Variants in CHSY3 observed in about 807,000 individuals in gnomAD.
The protein encoded by CHSY3 is N-acetylgalactosaminyl-proteoglycan 3-beta-glucuronosyltransferase 3.
A neutral mutation model predicts 67.2 loss-of-function variants in CHSY3; 35 were observed. The ratio of observed to expected loss-of-function variants is 0.52; its 90% confidence interval spans 0.40 to 0.69. The LOEUF (loss-of-function observed/expected upper bound fraction) is 0.69. Ranked by LOEUF, CHSY3 falls within the 30% of genes least tolerant of loss-of-function variation. The probability of loss-of-function intolerance (pLI) is 0.00; values close to 1 mark genes in which losing one functional copy is unlikely to be tolerated. For synonymous variants in CHSY3, 474 were observed against 434.7 expected (o/e 1.09, Z -1.12); for missense variants, 1,069 against 1,138.5 (o/e 0.94, Z 0.88).
At chr5:130,147,884 C>T (rs369888930) in intron 2 of CHSY3, among the ~76,000 whole-genome samples, 2 of 152,130 alleles carry the variant, frequency 1.3e-5, no homozygotes, top group South Asian at 4.1e-4. Context: ...TTTAAGGGAA[C>T]ATGTGCAGGT....
chr5:130,037,545 T>A (rs1443268532), intron 2 of CHSY3, among the ~76,000 whole-genome samples: 7 of 152,106 alleles, frequency 4.6e-5, no homozygotes, highest in African/African-American at 1.7e-4. Flanking sequence ...AGTTTGAACA[T>A]ACTATGGCCT....
At chr5:129,955,012 G>A (rs1762130120) in intron 2 of CHSY3, among the ~76,000 whole-genome samples, 2 of 152,014 alleles carry the variant, frequency 1.3e-5, no homozygotes, top group South Asian at 4.2e-4. Context: ...GTGTCTATAG[G>A]CGCATGCCAC....
At chr5:130,055,616 A>G (rs573204010) in intron 2 of CHSY3, among the ~76,000 whole-genome samples, 5 of 152,260 alleles carry the variant, frequency 3.3e-5, no homozygotes, top group Admixed American at 6.5e-5. Context: ...GACATAAAAT[A>G]AGATGACACA....
chr5:130,154,654 A>T (rs1333377553), intron 2 of CHSY3, among the ~76,000 whole-genome samples: 1 of 152,158 alleles, frequency 6.6e-6, no homozygotes, highest in Non-Finnish European at 1.5e-5. Context: ...CACATAGTGG[A>T]TGTTCATTAA....
In CHSY3 at chr5:130,055,575, T is replaced by A. The variant is rs145295463; in HGVS notation, c.1087-128654T>A. ...AGTTGAGCTGTCTTAATTAGTTTCA[T>A]GGAATCAAATCATTTCATGATGGCT... On this transcript the variant is annotated intron_variant, in intron 2 of 2. Coordinates refer to ENST00000305031, the MANE Select transcript of CHSY3 (RefSeq NM_175856.5). Among the ~76,000 whole-genome samples the A allele has an allele frequency of 1.5e-3, 234 of 152,238 alleles. 2 individuals are homozygous for A. Among genetic ancestry groups the A allele is most frequent in the African/African-American group, 5.5e-3 (227 of 41,542 alleles).
intron 2 of CHSY3, among the ~76,000 whole-genome samples, chr5:129,949,456 A>G (rs928174260): frequency 4.6e-5 from 7 of 152,158 alleles, no homozygotes; most frequent in African/African-American, 1.7e-4. Flanking sequence ...TTAATAATAA[A>G]AAAGTCTCCT....
intron 2 of CHSY3, among the ~76,000 whole-genome samples, chr5:129,947,517 G>A (rs548111206): frequency 6.6e-6 from 1 of 151,958 alleles, no homozygotes; most frequent in Non-Finnish European, 1.5e-5. Context: ...CAGCTACTTG[G>A]GAGGCTGAGA....
chr5:130,091,850 G>A (rs375517168), intron 2 of CHSY3, among the ~76,000 whole-genome samples: 58 of 152,158 alleles, frequency 3.8e-4, no homozygotes, highest in South Asian at 2.7e-3. Context: ...TCTTGGTACC[G>A]CAGGCTTCAT....
At chr5:129,997,862 G>A (rs1302803299) in intron 2 of CHSY3, among the ~76,000 whole-genome samples, 1 of 152,168 alleles carries the variant, frequency 6.6e-6, no homozygotes, top group Non-Finnish European at 1.5e-5. Context: ...TGGCTGCATA[G>A]TATTCCATGG....
At chr5:129,942,951 G>A (rs1432542007) in intron 2 of CHSY3, among the ~76,000 whole-genome samples, 1 of 152,094 alleles carries the variant, frequency 6.6e-6, no homozygotes, top group Non-Finnish European at 1.5e-5. Flanking sequence ...GGATGTAAAA[G>A]AGTGACATTT....
At chr5:130,178,252 T>TAA (rs1178265822) in intron 2 of CHSY3, among the ~76,000 whole-genome samples, 2 of 69,978 alleles carry the variant, frequency 2.9e-5, no homozygotes, top group African/African-American at 1.7e-4. Flanking sequence ...TATATATATA[T>TAA]ATTTTTTTTT....
At chr5:129,937,981 T>C (rs2149592606) in intron 2 of CHSY3, among the ~76,000 whole-genome samples, 1 of 152,184 alleles carries the variant, frequency 6.6e-6, no homozygotes. Flanking sequence ...GTCGAGGTTT[T>C]CCATGAAGGC....
At chr5:130,006,004 T>C (rs6894250) in intron 2 of CHSY3, among the ~76,000 whole-genome samples, 1 of 152,104 alleles carries the variant, frequency 6.6e-6, no homozygotes, top group Admixed American at 6.6e-5. Context: ...ACTGGGCAAA[T>C]TGTGCATGAA....
chr5:130,139,362 TGAAGTTCA>T (rs1272891116), intron 2 of CHSY3, among the ~76,000 whole-genome samples: 2 of 152,210 alleles, frequency 1.3e-5, no homozygotes, highest in African/African-American at 4.8e-5. Flanking sequence ...TCCCATCATA[TGAAGTTCA>T]GAAGTTCAGA....
At chr5:129,937,724 A>G (rs898637232) in intron 2 of CHSY3, among the ~76,000 whole-genome samples, 1 of 152,206 alleles carries the variant, frequency 6.6e-6, no homozygotes, top group Non-Finnish European at 1.5e-5. Flanking sequence ...GTAATTGGCC[A>G]AAACAAAGGG....
At chr5:130,101,656 AG>A (rs1473819971) in intron 2 of CHSY3, among the ~76,000 whole-genome samples, 2 of 152,158 alleles carry the variant, frequency 1.3e-5, no homozygotes, top group African/African-American at 4.8e-5. Flanking sequence ...TATTAACTAT[AG>A]TCACCATGTT....
intron 2 of CHSY3, among the ~76,000 whole-genome samples, chr5:129,935,678 C>T (rs1761465455): frequency 6.6e-6 from 1 of 152,180 alleles, no homozygotes; most frequent in Non-Finnish European, 1.5e-5. Context: ...TTTGATTCAT[C>T]TTGTACCAAA....
At chr5:130,063,993 AT>A (rs1765799513) in intron 2 of CHSY3, among the ~76,000 whole-genome samples, 2 of 152,102 alleles carry the variant, frequency 1.3e-5, no homozygotes, top group Admixed American at 1.3e-4. Flanking sequence ...GATGAGGGTG[AT>A]TTTTAATGGT....
chr5:129,983,883 A>G (rs1228776717), intron 2 of CHSY3, among the ~76,000 whole-genome samples: 4 of 152,140 alleles, frequency 2.6e-5, no homozygotes, highest in Non-Finnish European at 5.9e-5. Context: ...TTCTTTGGTC[A>G]TCAGTAAAGA....
Sources: allele counts gnomAD v4.1 joint callset (sites outside exome capture counted in the v4.1 genomes callset), GRCh38; gene constraint gnomAD v4.1.1; transcripts MANE v1.5; gene names NCBI Gene and HGNC (gene_info 2026-07-23, HGNC 2026-07-21).